ELFN2: variants seen among roughly 807,000 people sequenced by gnomAD.
ELFN2 encodes the protein protein phosphatase 1 regulatory subunit 29.
In ELFN2, 17 loss-of-function variants were observed where a neutral mutation model predicts 45.5. The ratio of observed to expected loss-of-function variants is 0.37; its 90% confidence interval spans 0.26 to 0.56. The LOEUF is 0.56. Ranked by LOEUF, ELFN2 falls within the 20% of genes least tolerant of loss-of-function variation. ELFN2 has a pLI of 0.77. For missense variants in ELFN2, 922 were observed against 1,183.2 expected (o/e 0.78, Z 3.24); for synonymous variants, 550 against 551.5 (o/e 1.00, Z 0.04).
downstream of ELFN2, among the ~76,000 whole-genome samples, chr22:37,365,777 C>T (rs752108167): frequency 1.4e-4 from 22 of 152,174 alleles, no homozygotes; most frequent in Non-Finnish European, 2.4e-4. Context: ...ACATTATCCA[C>T]GAGGTACAGC....
In ELFN2 at chr22:37,350,555, G is replaced by A. The variant is rs141012044; in HGVS notation, n.149-7852C>T. On this transcript the variant is annotated intron_variant and non_coding_transcript_variant, in intron 1 of 2. Transcript: ENST00000452946. ...TCCCCTCTTTCCCTGCCTCCCCACC[G>A]CAGGGCCCTAGGCCCACCCGCCAGC... is the stretch of plus-strand genomic sequence containing the variant. 1.7e-3 allele frequency among the ~76,000 whole-genome samples: 253 copies of A among 150,460 alleles called. 7 individuals are homozygous for A. Among genetic ancestry groups the A allele is most frequent in the African/African-American group, 2.3e-3 (97 of 41,342 alleles).
chr22:37,378,471 G>A (rs1018767796), intron 2 of ELFN2, among the ~76,000 whole-genome samples: 1 of 152,232 alleles, frequency 6.6e-6, no homozygotes, highest in African/African-American at 2.4e-5. Context: ...AAGAGGCTGA[G>A]CGTGGAGGGG....
intron 1 of ELFN2, chr22:37,352,986 T>C (rs949778609): frequency 1.3e-5 from 2 of 150,884 alleles, no homozygotes; most frequent in Non-Finnish European, 3.0e-5. Flanking sequence ...AATGGCTGCA[T>C]AGAAAGGCAG....
rs1391418312 is a variant in ELFN2, at chr22:37,372,635, G to A, written c.*437C>T. The A allele has an allele frequency of 6.4e-6, 1 of 156,862 alleles. No individual in the cohort carries two copies. Among genetic ancestry groups the A allele is most frequent in the Non-Finnish European group, 1.4e-5 (1 of 71,740 alleles). 9.7% of individuals were successfully genotyped at this position (156,862 alleles called of 1,614,324 possible). A position where few individuals can be genotyped will look rare whatever the true frequency, so the allele number is the denominator to read the frequency against. Reference sequence around the variant, plus strand: ...GGTGACTTGACTCCCAGCTTGGGAAGGGACCCTCTCCCTGCCCTAGAGGGG... The same window carrying A: ...GGTGACTTGACTCCCAGCTTGGGAAAGGACCCTCTCCCTGCCCTAGAGGGG... On this transcript the variant is annotated 3_prime_UTR_variant, in exon 3 of 3. Transcript: ENST00000402918. The surrounding 1 kb of genome is among the most constrained non-coding windows in gnomAD (Gnocchi z 4.4).
At chr22:37,413,682 A>G (rs1228573496) in intron 2 of ELFN2, among the ~76,000 whole-genome samples, 1 of 152,204 alleles carries the variant, frequency 6.6e-6, no homozygotes, top group Non-Finnish European at 1.5e-5. Context: ...AAGCCAGCCC[A>G]GATATTATCC....
intron 1 of ELFN2, among the ~76,000 whole-genome samples, chr22:37,346,129 G>A (rs764982115): frequency 9.2e-5 from 14 of 152,204 alleles, no homozygotes; most frequent in African/African-American, 1.9e-4. Flanking sequence ...GAGATAATTC[G>A]GGAAAAGCAC....
chr22:37,343,157 G>A (rs767168802), intron 1 of ELFN2, among the ~76,000 whole-genome samples: 12 of 152,148 alleles, frequency 7.9e-5, no homozygotes, highest in Non-Finnish European at 1.8e-4. Context: ...ACAGCAGGGC[G>A]GCGACTGGAA....
At chr22:37,422,873 G>C (rs1932819128) in intron 1 of ELFN2, among the ~76,000 whole-genome samples, 1 of 149,292 alleles carries the variant, frequency 6.7e-6, no homozygotes. Flanking sequence ...AGGATTACAG[G>C]TGTGAGCCAC....
chr22:37,423,543 C>G (rs1292921103), intron 1 of ELFN2, among the ~76,000 whole-genome samples: 1 of 152,138 alleles, frequency 6.6e-6, no homozygotes, highest in African/African-American at 2.4e-5. Flanking sequence ...CTCTCTGTTT[C>G]TTGTCTTCAA....
intron 1 of ELFN2, among the ~76,000 whole-genome samples, chr22:37,362,920 C>A: frequency 6.6e-6 from 1 of 152,268 alleles, no homozygotes; most frequent in Non-Finnish European, 1.5e-5. Context: ...ATGCTTCTAC[C>A]GCCATCGTCC....
At position 37,374,962 on chromosome 22, in the gene ELFN2, G is replaced by A. The variant is rs145251233; in HGVS notation, c.573C>T (p.Cys191=). ...GCCAGGCCAGGAAGCCGAAGAGGTC[G>A]CACTCACAGTTGAAGGGGTTGCCGG... ...ELAGNPFNCE[C]DLFGFLAWLV... is the part of the protein sequence containing the mutation. The change falls in exon 3 of 3, where the codon TGC becomes TGT. Residue 191 remains cysteine (C), a synonymous_variant. Transcript: ENST00000402918. The A allele has an allele frequency of 1.5e-5, 24 of 1,613,132 alleles. No individual in the cohort carries two copies. Among genetic ancestry groups the A allele is most frequent in the South Asian group, 6.6e-5 (6 of 91,072 alleles).
intron 1 of ELFN2, chr22:37,353,565 G>A (rs1930876065): frequency 6.6e-6 from 1 of 151,068 alleles, no homozygotes; most frequent in Non-Finnish European, 1.5e-5. Context: ...ACAAATCAAT[G>A]AGAGAAACGG....
intron 1 of ELFN2, among the ~76,000 whole-genome samples, chr22:37,361,654 C>G (rs1048376279): frequency 1.3e-5 from 2 of 152,138 alleles, no homozygotes; most frequent in African/African-American, 4.8e-5. Context: ...AGAGCCCAGG[C>G]CTATCCCTAG....
intron 2 of ELFN2, among the ~76,000 whole-genome samples, chr22:37,412,543 C>T (rs1364563303): frequency 6.6e-6 from 1 of 152,172 alleles, no homozygotes; most frequent in Admixed American, 6.5e-5. Flanking sequence ...CGCCTCAGCC[C>T]CTCCTCTCCC....
chr22:37,421,757 T>C (rs538109792), intron 1 of ELFN2, among the ~76,000 whole-genome samples: 1 of 152,176 alleles, frequency 6.6e-6, no homozygotes, highest in Non-Finnish European at 1.5e-5. Context: ...GTTTAATAAG[T>C]ATTTTTTGAG....
chr22:37,380,451 A>T (rs953586797), intron 2 of ELFN2, among the ~76,000 whole-genome samples: 1 of 151,328 alleles, frequency 6.6e-6, no homozygotes, highest in Non-Finnish European at 1.5e-5. Context: ...CAAACACACC[A>T]CCCCAGGCTC....
intron 2 of ELFN2, among the ~76,000 whole-genome samples, chr22:37,380,268 G>A (rs893881679): frequency 6.6e-6 from 1 of 152,188 alleles, no homozygotes. Flanking sequence ...AGGCAGCGGA[G>A]GTCAGCAGGG....
At chr22:37,378,198 T>C (rs577544336) in intron 2 of ELFN2, among the ~76,000 whole-genome samples, 2 of 152,336 alleles carry the variant, frequency 1.3e-5, no homozygotes, top group East Asian at 1.9e-4. Flanking sequence ...TTCGGGGGCA[T>C]GTGCTTGTGT....
At chr22:37,343,887 C>T (rs1930624010) in intron 1 of ELFN2, among the ~76,000 whole-genome samples, 1 of 152,090 alleles carries the variant, frequency 6.6e-6, no homozygotes, top group South Asian at 2.1e-4. Flanking sequence ...GCTATTCCTC[C>T]TGATGCCCCT....
Sources: gnomAD v4.1 joint callset for allele counts (sites outside exome capture counted in the v4.1 genomes callset) on GRCh38, gnomAD v4.1.1 for gene constraint, Gnocchi (gnomAD v3.1) non-coding constraint, MANE v1.5 for transcripts, NCBI Gene and HGNC (gene_info 2026-07-23, HGNC 2026-07-21) for gene names.